GSTO2: variants seen among roughly 807,000 people sequenced by gnomAD.
GSTO2 encodes glutathione S-transferase omega-2.
Under a neutral mutation model 28.4 loss-of-function variants are expected in GSTO2, and 23 were observed. That is an observed-to-expected ratio of 0.81 (90% CI 0.58 to 1.15). GSTO2 has a LOEUF of 1.15. Ranked by LOEUF, GSTO2 falls within the 50% of genes most tolerant of loss-of-function variation. The pLI, the probability that GSTO2 is intolerant of heterozygous loss-of-function variation, is 0.00. For synonymous variants in GSTO2, 109 were observed against 111.0 expected (o/e 0.98, Z 0.11); for missense variants, 298 against 297.8 (o/e 1.00, Z 0.00).
intron 5 of GSTO2, among the ~76,000 whole-genome samples, chr10:104,281,163 C>T (rs909241874): frequency 6.6e-6 from 1 of 152,218 alleles, no homozygotes; most frequent in African/African-American, 2.4e-5. Flanking sequence ...GAGTGGAGGC[C>T]TGGTAGATTG....
intron 1 of GSTO2, among the ~76,000 whole-genome samples, chr10:104,270,273 A>C (rs1357454662): frequency 1.3e-5 from 2 of 152,154 alleles, no homozygotes; most frequent in African/African-American, 4.8e-5. Flanking sequence ...TCAGCCTCCC[A>C]AATCGCTGGG....
At chr10:104,289,784 C>T (rs933984936) in intron 5 of GSTO2, among the ~76,000 whole-genome samples, 2 of 152,080 alleles carry the variant, frequency 1.3e-5, no homozygotes, top group African/African-American at 4.8e-5. Context: ...CTTGAATAGA[C>T]ATTTCTCAAA....
chr10:104,293,935 C>T (rs2012906231), intron 5 of GSTO2, among the ~76,000 whole-genome samples: 1 of 152,106 alleles, frequency 6.6e-6, no homozygotes, highest in Non-Finnish European at 1.5e-5. Context: ...AACCGGAGAG[C>T]CCGTTAACCT....
At chr10:104,273,116 C>T (rs2011492295) in intron 1 of GSTO2, among the ~76,000 whole-genome samples, 1 of 152,136 alleles carries the variant, frequency 6.6e-6, no homozygotes, top group African/African-American at 2.4e-5. Flanking sequence ...ATCTTACCTA[C>T]CAGGAGCTCT....
intron 5 of GSTO2, among the ~76,000 whole-genome samples, chr10:104,279,682 A>G (rs1056518395): frequency 6.6e-6 from 1 of 152,166 alleles, no homozygotes; most frequent in African/African-American, 2.4e-5. Context: ...AGGACATGCC[A>G]TGAATTGCTT....
chr10:104,299,112 C>G lies in GSTO2; in HGVS notation c.576-16C>G. ...CTACCCCTGCACTGTGCTGACGCTT[C>G]TTTCCTGTCTTGCAGCTGTGTGAGC... On this transcript the variant is annotated splice_polypyrimidine_tract_variant and intron_variant, in intron 6 of 6. Transcript: ENST00000338595. 6.2e-7 allele frequency: 1 copy of G among 1,610,340 alleles called. No homozygotes were observed. Among genetic ancestry groups the G allele is most frequent in the East Asian group, 2.2e-5 (1 of 44,824 alleles).
intron 5 of GSTO2, 147 bp downstream of exon 5, chr10:104,279,618 CCCT>C: frequency 1.6e-6 from 1 of 613,324 alleles, no homozygotes; most frequent in Non-Finnish European, 2.9e-6. Flanking sequence ...TGCATGTTTG[CCCT>C]CCTCTAACCT....
In GSTO2 at chr10:104,277,980, C is replaced by T. The variant is rs757246997; in HGVS notation, c.230C>T (p.Thr77Ile). The change falls in exon 4 of 7, where the codon ACC (threonine) becomes ATC (isoleucine). Residue 77 changes from threonine to isoleucine, a missense_variant. By Grantham distance (89) the Thr-to-Ile change is moderately conservative. Coordinates refer to ENST00000338595, the MANE Select transcript of GSTO2 (RefSeq NM_183239.2). ...TTTGGCCACATTCCTGTCCTGGAGACCAGCCAATGTCAACTGATCTATGAA... is the reference window on the plus strand; with the variant it reads ...TTTGGCCACATTCCTGTCCTGGAGATCAGCCAATGTCAACTGATCTATGAA... The part of the protein sequence containing the change: ...HPFGHIPVLE[T>I]SQCQLIYESV... The T allele has an allele frequency of 1.1e-5, 17 of 1,613,818 alleles. No homozygotes were observed. The East Asian group carries it at 3.3e-4, about 32-fold the overall frequency.
Position 104,299,432 on chromosome 10 carries a change from C to A in GSTO2, c.*148C>A. 1.1e-6 allele frequency: 1 copy of A among 923,574 alleles called. No homozygotes were observed. The allele number at this position is 923,574 out of a possible 1,614,324, so 57.2% of individuals were successfully genotyped here. The stretch of plus-strand genomic sequence containing the variant: ...ACAGGAAATGTATTCTTCTGATAAT[C>A]ATTTGTCTGACTCCTCTAGCCTGTA... On this transcript the variant is annotated 3_prime_UTR_variant, in exon 7 of 7. Transcript: ENST00000338595.
At position 104,304,736 on chromosome 10, in the gene GSTO2, C is replaced by T. The variant is rs958793877; in HGVS notation, c.*5452C>T. ...TCACTTTGTGGAACTAGATGTCCTA[C>T]GTTGCACATGGCTTGATTCATGGTT... On this transcript the variant is annotated 3_prime_UTR_variant, in exon 7 of 7. Coordinates refer to ENST00000338595, the MANE Select transcript of GSTO2 (RefSeq NM_183239.2). The T allele has an allele frequency of 2.6e-5, 4 of 152,202 alleles. No individual in the cohort carries two copies. The highest frequency in any genetic ancestry group is 7.2e-5 in the African/African-American group (3 of 41,436). 9.4% of individuals were successfully genotyped at this position (152,202 alleles called of 1,614,324 possible).
At chr10:104,293,412 T>A (rs1401803924) in intron 5 of GSTO2, among the ~76,000 whole-genome samples, 2 of 152,066 alleles carry the variant, frequency 1.3e-5, no homozygotes, top group South Asian at 2.1e-4. Context: ...GAAGCTTTTT[T>A]ATTTTTATTT....
chr10:104,277,768 C>G, intron 3 of GSTO2, 126 bp from the exon 4 acceptor site: 1 of 637,964 alleles, frequency 1.6e-6, no homozygotes, highest in Non-Finnish European at 2.8e-6. Flanking sequence ...TTATACAAAA[C>G]TTAAACCTTA....
intron 2 of GSTO2, 130 bp downstream of exon 2, chr10:104,275,079 A>C: frequency 6.6e-7 from 1 of 1,503,952 alleles, no homozygotes; most frequent in Non-Finnish European, 8.9e-7. Context: ...TCTCCTGAAG[A>C]AAAGCCACAT....
At chr10:104,292,544 C>T (rs914363843) in intron 5 of GSTO2, among the ~76,000 whole-genome samples, 1 of 151,910 alleles carries the variant, frequency 6.6e-6, no homozygotes, top group African/African-American at 2.4e-5. Flanking sequence ...CTCACTTCAG[C>T]CTCTACCTCC....
chr10:104,298,090 C>T (rs533547000), intron 6 of GSTO2, among the ~76,000 whole-genome samples: 1 of 152,276 alleles, frequency 6.6e-6, no homozygotes, highest in African/African-American at 2.4e-5. Flanking sequence ...GAATCTTCCC[C>T]CAGATAGGAA....
Position 104,294,780 on chromosome 10 carries a change from C to T in GSTO2, c.469-2798C>T, listed in dbSNP as rs374204704. On this transcript the variant is annotated intron_variant, in intron 5 of 6. Coordinates refer to ENST00000338595, the MANE Select transcript of GSTO2 (RefSeq NM_183239.2). Reference sequence around the variant, plus strand: ...GATAAGGCTTGGGTTATTTTATGAGCGTTTATATATAAATTGATAGTGTCC... The same window carrying T: ...GATAAGGCTTGGGTTATTTTATGAGTGTTTATATATAAATTGATAGTGTCC... Among the ~76,000 whole-genome samples the T allele has an allele frequency of 8.5e-5, 13 of 152,118 alleles. 1 individual carries two copies. The highest frequency in any genetic ancestry group is 2.4e-4 in the African/African-American group (10 of 41,480).
intron 5 of GSTO2, among the ~76,000 whole-genome samples, chr10:104,283,512 C>T (rs1297421790): frequency 6.6e-6 from 1 of 152,136 alleles, no homozygotes; most frequent in Non-Finnish European, 1.5e-5. Context: ...TGTAGTCCCA[C>T]CTTCTCTGGA....
intron 5 of GSTO2, among the ~76,000 whole-genome samples, chr10:104,291,944 C>T (rs1589872929): frequency 6.6e-6 from 1 of 152,186 alleles, no homozygotes; most frequent in East Asian, 1.9e-4. Flanking sequence ...ACTAAAGTCT[C>T]CAACAAACCT....
At chr10:104,298,123 G>T (rs1433347462) in intron 6 of GSTO2, among the ~76,000 whole-genome samples, 1 of 152,204 alleles carries the variant, frequency 6.6e-6, no homozygotes, top group Non-Finnish European at 1.5e-5. Flanking sequence ...AAAGATTTGT[G>T]TAGTAATATA....
Sources: allele counts gnomAD v4.1 joint callset (sites outside exome capture counted in the v4.1 genomes callset), GRCh38; gene constraint gnomAD v4.1.1; transcripts MANE v1.5; gene names NCBI Gene and HGNC (gene_info 2026-07-23, HGNC 2026-07-21).